The following NR4A3 variants were observed in gnomAD, a reference collection of about 807,000 sequenced individuals.
The protein encoded by NR4A3 is chondrosarcoma, extraskeletal myxoid, fused to EWS.
Under a neutral mutation model 55.6 loss-of-function variants are expected in NR4A3, and 13 were observed. That is an observed-to-expected ratio of 0.23 (90% CI 0.15 to 0.37). The LOEUF (loss-of-function observed/expected upper bound fraction) is 0.37. Ranked by LOEUF, NR4A3 falls within the 10% of genes least tolerant of loss-of-function variation. The pLI is 1.00. For synonymous variants in NR4A3, 342 were observed against 357.9 expected (o/e 0.96, Z 0.50); for missense variants, 646 against 822.8 (o/e 0.79, Z 2.63).
At chr9:99,832,993 T>C (rs1827476310) in intron 4 of NR4A3, among the ~76,000 whole-genome samples, 175 bp downstream of exon 4, 1 of 152,222 alleles carries the variant, frequency 6.6e-6, no homozygotes, top group Non-Finnish European at 1.5e-5. Flanking sequence ...TTTATTCTAA[T>C]TTCTCAAAAT....
At chr9:99,826,847 T>A (rs368839669) in intron 2 of NR4A3, 145 of 1,554,554 alleles carry the variant, frequency 9.3e-5, no homozygotes, top group Non-Finnish European at 1.5e-5. Context: ...CACTTCTCTA[T>A]TAGTCACACC....
Position 99,828,317 on chromosome 9 carries a change from C to T in NR4A3, c.275C>T (p.Pro92Leu), listed in dbSNP as rs994222873. 3 of 1,611,774 alleles carry T rather than the reference C, an allele frequency of 1.9e-6. No individual in the cohort carries two copies. The highest frequency in any genetic ancestry group is 2.7e-5 in the African/African-American group (2 of 74,852). ...PLIKVEEGRA[P>L]SYHHHHHHHH... ...ATCAAAGTGGAGGAGGGGCGGGCGCCCAGCTACCATCACCATCACCACCAC... is the reference window on the plus strand; with the variant it reads ...ATCAAAGTGGAGGAGGGGCGGGCGCTCAGCTACCATCACCATCACCACCAC... The change falls in exon 3 of 8, where the codon CCC becomes CTC. Residue 92 changes from proline (P) to leucine (L), a missense_variant. Pro to Leu is a moderately conservative substitution (Grantham distance 98). Coordinates refer to ENST00000395097, the MANE Select transcript of NR4A3 (RefSeq NM_006981.4). This position sits in a 1 kb window ranked among gnomAD's most constrained non-coding sequence, Gnocchi z 7.7.
chr9:99,834,603 T>A (rs1256894557), intron 5 of NR4A3, among the ~76,000 whole-genome samples: 2 of 152,136 alleles, frequency 1.3e-5, no homozygotes, highest in East Asian at 3.9e-4. Flanking sequence ...ACTACCAAAC[T>A]GCCCTCCCCA....
chr9:99,832,378 G>T (rs940339382), intron 3 of NR4A3, among the ~76,000 whole-genome samples: 1 of 152,084 alleles, frequency 6.6e-6, no homozygotes, highest in East Asian at 1.9e-4. Context: ...TTCCCAAAGG[G>T]ATATTAAAAG....
chr9:99,866,331 T>TA lies in NR4A3; in HGVS notation c.*2469dup, dbSNP rs2118197553. On this transcript the variant is annotated 3_prime_UTR_variant, in exon 8 of 8. Coordinates refer to ENST00000395097, the MANE Select transcript of NR4A3 (RefSeq NM_006981.4). ...TCTATAAAGGAAGAACAAAACAAAA[T>TA]AAAAACAGAGCCCTAGAGAAATGCT... The TA allele has an allele frequency of 4.5e-6, 1 of 221,954 alleles. No individual in the cohort carries two copies. The highest frequency in any genetic ancestry group is 1.9e-4 in the South Asian group (1 of 5,404). 13.7% of individuals were successfully genotyped at this position (221,954 alleles called of 1,614,324 possible).
rs954842331 is a variant in NR4A3 at position 99,866,888 on chromosome 9, T to C, written c.*3021T>C. On this transcript the variant is annotated 3_prime_UTR_variant, in exon 8 of 8. Coordinates refer to ENST00000395097, the MANE Select transcript of NR4A3 (RefSeq NM_006981.4). ...AAATGATTAAATTACATTTTATCAA[T>C]GGCTACTGGTGTATTGAATAAGCCT... 5.3e-6 allele frequency: 1 copy of C among 187,516 alleles called. No individual in the cohort carries two copies. Among genetic ancestry groups the C allele is most frequent in the South Asian group, 2.0e-4 (1 of 5,118 alleles). 11.6% of individuals were successfully genotyped at this position (187,516 alleles called of 1,614,324 possible).
In NR4A3 at chr9:99,863,856, C is replaced by G. The variant is rs1024186264; in HGVS notation, c.1870C>G (p.Leu624Val). 2 of 1,612,702 alleles carry G rather than the reference C, an allele frequency of 1.2e-6. No individual in the cohort carries two copies. The highest frequency in any genetic ancestry group is 1.3e-5 in the African/African-American group (1 of 74,940). ...CATTGACAAGCTCTTCCTGGACACC[C>G]TACCTTTCTAATCAGGAGCAGTGGA... ...SIIDKLFLDT[L>V]PF Residue 624 changes from leucine to valine, a missense_variant, in exon 8 of 8, where the codon CTA becomes GTA. By Grantham distance (32) the Leu-to-Val change is conservative. This residue lies in a region of NR4A3 where 12 missense variants were observed against 21.9 expected (regional missense o/e 0.55). Coordinates refer to ENST00000395097, the MANE Select transcript of NR4A3 (RefSeq NM_006981.4).
chr9:99,865,833 T>C lies in NR4A3; in HGVS notation c.*1966T>C. 1 of 211,634 alleles carries C rather than the reference T, an allele frequency of 4.7e-6. No individual in the cohort carries two copies. The highest frequency in any genetic ancestry group is 7.1e-5 in the East Asian group (1 of 14,018). The allele number at this position is 211,634 out of a possible 1,614,324, so 13.1% of individuals were successfully genotyped here. A position where few individuals can be genotyped will look rare whatever the true frequency, so the allele number is the denominator to read the frequency against. ...TTTATGAAAGATTGTTATTTTTATA[T>C]ATCAAGATGATAGAACCTGGAATGT... On this transcript the variant is annotated 3_prime_UTR_variant, in exon 8 of 8. Coordinates refer to ENST00000395097, the MANE Select transcript of NR4A3 (RefSeq NM_006981.4). The surrounding 1 kb of genome is among the most constrained non-coding windows in gnomAD (Gnocchi z 4.3).
At chr9:99,837,613 G>C (rs1434307692) in intron 5 of NR4A3, among the ~76,000 whole-genome samples, 1 of 151,544 alleles carries the variant, frequency 6.6e-6, no homozygotes, top group East Asian at 1.9e-4. Flanking sequence ...TTTACAAGTG[G>C]ATAAAATGAA....
In NR4A3 at chr9:99,844,821, A is replaced by G; in HGVS notation, c.1427A>G (p.Glu476Gly). The change falls in exon 6 of 8, where the codon GAG (glutamate) becomes GGG (glycine). Residue 476 changes from glutamate to glycine, a missense_variant. Physicochemically the swap from Glu to Gly is moderately conservative, Grantham distance 98. Coordinates refer to ENST00000395097, the MANE Select transcript of NR4A3 (RefSeq NM_006981.4). ...QTLLIESAFL[E>G]LFVLRLSIRS... ...TTACTTATTGAATCAGCCTTTTTGG[A>G]GCTGTTTGTCCTCAGACTTTCCATC... 1 of 1,614,112 alleles carries G rather than the reference A, an allele frequency of 6.2e-7. No individual in the cohort carries two copies. Among genetic ancestry groups the G allele is most frequent in the South Asian group, 1.1e-5 (1 of 91,086 alleles).
intron 7 of NR4A3, among the ~76,000 whole-genome samples, chr9:99,859,868 A>G (rs779223451): frequency 2.6e-5 from 4 of 152,168 alleles, no homozygotes; most frequent in Admixed American, 2.0e-4. Context: ...GCTTAAATCA[A>G]TGGACTGGTA....
At chr9:99,860,433 A>T (rs1306902716) in intron 7 of NR4A3, among the ~76,000 whole-genome samples, 7 of 152,232 alleles carry the variant, frequency 4.6e-5, no homozygotes. Context: ...TTCTTCTGTT[A>T]AATGTTTCCT....
chr9:99,824,654 C>T (rs953606935), intron 1 of NR4A3, among the ~76,000 whole-genome samples: 3 of 152,210 alleles, frequency 2.0e-5, no homozygotes, highest in African/African-American at 7.2e-5. Flanking sequence ...CCGCGCACCT[C>T]GGAGGTTTTT....
intron 6 of NR4A3, among the ~76,000 whole-genome samples, chr9:99,846,629 C>T (rs1827758719): frequency 6.6e-6 from 1 of 152,132 alleles, no homozygotes; most frequent in Admixed American, 6.5e-5. Flanking sequence ...AGACTTCTGG[C>T]ACTTACAGGG....
intron 7 of NR4A3, among the ~76,000 whole-genome samples, chr9:99,858,768 C>T (rs1021130358): frequency 6.6e-6 from 1 of 152,174 alleles, no homozygotes; most frequent in East Asian, 1.9e-4. Context: ...ACCTTCCATA[C>T]CTATTACTTA....
intron 5 of NR4A3, among the ~76,000 whole-genome samples, chr9:99,843,100 TG>T (rs1182596872): frequency 6.6e-6 from 1 of 152,192 alleles, no homozygotes; most frequent in East Asian, 1.9e-4. Flanking sequence ...TTTACTCCGG[TG>T]ATTCAAGAAA....
intron 3 of NR4A3, among the ~76,000 whole-genome samples, chr9:99,830,669 T>C (rs887129274): frequency 6.6e-6 from 1 of 152,244 alleles, no homozygotes; most frequent in Non-Finnish European, 1.5e-5. Flanking sequence ...CCATTTTTTG[T>C]TTTAACTACT....
intron 3 of NR4A3, among the ~76,000 whole-genome samples, chr9:99,832,289 C>A (rs1479035566): frequency 6.6e-6 from 1 of 152,068 alleles, no homozygotes; most frequent in African/African-American, 2.4e-5. Flanking sequence ...TGATAGCAAA[C>A]AAAGTACATC....
intron 1 of NR4A3, among the ~76,000 whole-genome samples, chr9:99,824,536 A>G (rs766873388): frequency 5.9e-5 from 9 of 152,132 alleles, no homozygotes; most frequent in Non-Finnish European, 1.2e-4. Context: ...GGAATCCCCC[A>G]TTTCCTGGTC....
Sources: allele counts gnomAD v4.1 joint callset (sites outside exome capture counted in the v4.1 genomes callset), GRCh38; gene constraint gnomAD v4.1.1; regional missense constraint gnomAD v4.1.1; non-coding constraint Gnocchi (gnomAD v3.1); transcripts MANE v1.5; gene names NCBI Gene and HGNC (gene_info 2026-07-23, HGNC 2026-07-21).